The following TBCE variants were observed in gnomAD, a reference collection of about 807,000 sequenced individuals.
The protein encoded by TBCE is tubulin folding cofactor E.
Under a neutral mutation model 77.0 loss-of-function variants are expected in TBCE, and 53 were observed. That is an observed-to-expected ratio of 0.69 (90% confidence interval 0.55 to 0.87). TBCE has a LOEUF of 0.87. Among genes scored for constraint, TBCE ranks in the 40% least tolerant of loss-of-function variants. The pLI, the probability that TBCE is intolerant of heterozygous loss-of-function variation, is 0.00. For missense variants in TBCE, 624 were observed against 622.4 expected (o/e 1.00, Z -0.03); for synonymous variants, 235 against 241.3 (o/e 0.97, Z 0.24).
intron 2 of TBCE, among the ~76,000 whole-genome samples, chr1:235,388,252 C>T (rs904432338): frequency 1.3e-5 from 2 of 149,336 alleles, no homozygotes; most frequent in African/African-American, 4.9e-5. Flanking sequence ...ATCTATCCTT[C>T]ATTGCCCATG....
rs142440362 is a variant in TBCE, at chr1:235,445,204, CCCT to C, written c.1399+2294_1399+2296del. On this transcript the variant is annotated intron_variant, in intron 15 of 16. Transcript: ENST00000642610. ...CAGATTACAAGGGTTCCTTTTTTTC[CCCT>C]TTTTTATTTGCTTTTCTGTTTCTCA... is the stretch of plus-strand genomic sequence containing the variant. Among the ~76,000 whole-genome samples, 181 of 152,204 alleles carry C rather than the reference CCCT, an allele frequency of 1.2e-3. 1 individual carries two copies. Among genetic ancestry groups the C allele is most frequent in the Middle Eastern group, 3.4e-3 (1 of 294 alleles).
chr1:235,411,409 G>C (rs1453582203), intron 3 of TBCE, among the ~76,000 whole-genome samples: 1 of 152,180 alleles, frequency 6.6e-6, no homozygotes, highest in Non-Finnish European at 1.5e-5. Context: ...CACCCAGTCA[G>C]TGCTGCAGAC....
rs1028654015 is a variant in TBCE, at chr1:235,449,657, C to T, written c.*895C>T. On this transcript the variant is annotated 3_prime_UTR_variant, in exon 17 of 17. Transcript: ENST00000642610. Reference sequence around the variant, plus strand: ...TCTTCAAGTTAGTTCAAGTTGCCCACTTCAGAGATCCACAAAATCTGACAT... The same window carrying T: ...TCTTCAAGTTAGTTCAAGTTGCCCATTTCAGAGATCCACAAAATCTGACAT... 1 of 152,638 alleles carries T rather than the reference C, an allele frequency of 6.6e-6. No homozygotes were observed. The highest frequency in any genetic ancestry group is 1.5e-5 in the Non-Finnish European group (1 of 68,388). 9.5% of individuals were successfully genotyped at this position (152,638 alleles called of 1,614,324 possible).
Position 235,440,182 on chromosome 1 carries a change from G to A in TBCE, c.1270+1260G>A, listed in dbSNP as rs910085222. Among the ~76,000 whole-genome samples, 3 of 152,238 alleles carry A rather than the reference G, an allele frequency of 2.0e-5. No individual in the cohort carries two copies. The East Asian group carries it at 5.8e-4, about 30-fold the overall frequency. On this transcript the variant is annotated intron_variant, in intron 13 of 16. Transcript: ENST00000642610. ...GGACGGGGTTTCACCGTGTTAGCCA[G>A]GATGGTCTCGATCTCCTGACCTTGT... is the stretch of plus-strand genomic sequence containing the variant.
Position 235,401,597 on chromosome 1 carries a change from C to G in TBCE, c.185+10C>G. On this transcript the variant is annotated intron_variant, in intron 3 of 16. Coordinates refer to ENST00000642610, the MANE Select transcript of TBCE (RefSeq NM_003193.5). ...TGTATTTTAAATGCAGGTAACTTTT[C>G]ATTATGAATCAGCACGGTCATTTAG... 1 of 1,603,648 alleles carries G rather than the reference C, an allele frequency of 6.2e-7. No individual in the cohort carries two copies. Among genetic ancestry groups the G allele is most frequent in the Non-Finnish European group, 8.5e-7 (1 of 1,170,912 alleles).
intron 7 of TBCE, among the ~76,000 whole-genome samples, chr1:235,431,616 C>T (rs1026457392): frequency 5.3e-5 from 8 of 151,918 alleles, no homozygotes; most frequent in African/African-American, 1.7e-4. Flanking sequence ...CCGCCTCGGC[C>T]TCCCAAAGTG....
At chr1:235,438,248 G>A (rs776898869) in intron 12 of TBCE, among the ~76,000 whole-genome samples, 28 of 152,146 alleles carry the variant, frequency 1.8e-4, no homozygotes, top group Non-Finnish European at 3.5e-4. Context: ...GCAAGTACTC[G>A]CATGAATTAA....
chr1:235,430,903 T>A, intron 7 of TBCE, 99 bp downstream of exon 7: 1 of 973,388 alleles, frequency 1.0e-6, no homozygotes, highest in Non-Finnish European at 1.6e-6. Flanking sequence ...CAACTGTGGC[T>A]TCATTTAAAT....
chr1:235,373,484 C>A (rs1677099916), intron 1 of TBCE, among the ~76,000 whole-genome samples: 2 of 151,866 alleles, frequency 1.3e-5, no homozygotes, highest in South Asian at 4.2e-4. Flanking sequence ...CACTCTGTGG[C>A]CCAGTCTGGA....
chr1:235,371,206 G>C (rs1230753973), intron 1 of TBCE, among the ~76,000 whole-genome samples: 1 of 150,710 alleles, frequency 6.6e-6, no homozygotes, highest in African/African-American at 2.4e-5. Context: ...ACAGGCATGC[G>C]CCACCATACC....
intron 2 of TBCE, among the ~76,000 whole-genome samples, chr1:235,387,134 T>C (rs545225220): frequency 3.3e-5 from 5 of 151,868 alleles, no homozygotes; most frequent in South Asian, 2.1e-4. Flanking sequence ...CCGCGAATGC[T>C]GCTGTCTGAT....
At chr1:235,368,206 T>C (rs1032539703) in intron 1 of TBCE, among the ~76,000 whole-genome samples, 3 of 152,062 alleles carry the variant, frequency 2.0e-5, no homozygotes, top group Non-Finnish European at 2.9e-5. Context: ...GCGCCCGGCC[T>C]AAAGTAACTA....
rs116951045 is a variant in TBCE at position 235,390,050 on chromosome 1, C to T, written c.100+9901C>T. 4.0e-4 allele frequency among the ~76,000 whole-genome samples: 61 copies of T among 151,340 alleles called. 3 individuals carry two copies. In the East Asian group the frequency reaches 0.012, roughly 30 times the overall value. ...CTGAGACAGCAGAATCGCTTGAACACGGGAGGAAGAGGTTGCAGTGAGACG... is the reference window on the plus strand; with the variant it reads ...CTGAGACAGCAGAATCGCTTGAACATGGGAGGAAGAGGTTGCAGTGAGACG... On this transcript the variant is annotated intron_variant, in intron 2 of 16. Transcript: ENST00000642610.
At chr1:235,429,231 C>T (rs928037628) in intron 6 of TBCE, 1 of 152,016 alleles carries the variant, frequency 6.6e-6, no homozygotes, top group African/African-American at 2.4e-5. Flanking sequence ...TCAGGTTTTC[C>T]ACCCACCTCG....
At position 235,422,328 on chromosome 1, in the gene TBCE, A is replaced by G. The variant is rs554873719; in HGVS notation, c.460+2767A>G. On this transcript the variant is annotated intron_variant, in intron 5 of 16. Transcript: ENST00000642610. ...GGAGTTCAAGACCAGCCTGGCCAAC[A>G]TGGTGAAACCTTGTCTGTACTAAAA... 1.3e-4 allele frequency among the ~76,000 whole-genome samples: 19 copies of G among 150,546 alleles called. No individual in the cohort carries two copies. The East Asian group carries it at 1.6e-3, about 13-fold the overall frequency.
intron 13 of TBCE, chr1:235,441,086 T>A (rs994231583): frequency 1.3e-5 from 2 of 152,598 alleles, no homozygotes; most frequent in Admixed American, 1.3e-4. Flanking sequence ...CTGGCCACGC[T>A]CGGTGAATTC....
chr1:235,443,042 TTA>T, intron 15 of TBCE, 131 bp downstream of exon 15: 1 of 887,484 alleles, frequency 1.1e-6, no homozygotes, highest in Non-Finnish European at 1.8e-6. Context: ...CATTAGTCTT[TTA>T]TATTCTAAAA....
At chr1:235,414,770 G>A in intron 4 of TBCE, 152 bp downstream of exon 4, 1 of 733,052 alleles carries the variant, frequency 1.4e-6, no homozygotes, top group Non-Finnish European at 2.3e-6. Context: ...AGGAATCCAA[G>A]AATTATTTAG....
chr1:235,432,027 A>C (rs914910091), intron 7 of TBCE, among the ~76,000 whole-genome samples: 9 of 150,894 alleles, frequency 6.0e-5, no homozygotes, highest in Non-Finnish European at 1.0e-4. Context: ...TCTGTTGCCC[A>C]AGTTGGAGTG....
Sources: allele counts gnomAD v4.1 joint callset (sites outside exome capture counted in the v4.1 genomes callset), GRCh38; gene constraint gnomAD v4.1.1; transcripts MANE v1.5; gene names NCBI Gene and HGNC (gene_info 2026-07-23, HGNC 2026-07-21).